Variants in LINGO2 observed in about 807,000 individuals in gnomAD.
LINGO2 encodes the protein leucine-rich repeat and immunoglobulin-like domain-containing nogo receptor-interacting protein 2.
In LINGO2, 14 loss-of-function variants were observed where a neutral mutation model predicts 30.6. That is an observed-to-expected ratio of 0.46 (90% CI 0.30 to 0.72). LINGO2 has a LOEUF of 0.72. LINGO2 is among the 30% of genes least tolerant of loss of function. The pLI, the probability that LINGO2 is intolerant of heterozygous loss-of-function variation, is 0.07. For synonymous variants in LINGO2, 317 were observed against 288.5 expected, an observed-to-expected ratio of 1.10 and a Z score of -1.00; for missense variants, 729 against 751.7, an observed-to-expected ratio of 0.97 and a Z score of 0.35.
At chr9:29,041,423 T>C in the LINGO2 span, among the ~76,000 whole-genome samples, 5 of 152,162 alleles carry the variant, frequency 3.3e-5, no homozygotes, top group South Asian at 2.1e-4. Context: ...CTCTATCCGA[T>C]AGTAAGGCCT....
chr9:28,714,005 A>C, the LINGO2 span, among the ~76,000 whole-genome samples: 4 of 151,900 alleles, frequency 2.6e-5, no homozygotes, highest in Non-Finnish European at 2.9e-5. Context: ...TAAAAATAGA[A>C]AAATTTAGCC....
At chr9:28,629,424 C>T (rs1826829906) in intron 1 of LINGO2, among the ~76,000 whole-genome samples, 1 of 151,926 alleles carries the variant, frequency 6.6e-6, no homozygotes, top group Non-Finnish European at 1.5e-5. Flanking sequence ...CTTGTTTCCC[C>T]CAAAAACTTA....
At chr9:28,701,516 A>G in the LINGO2 span, among the ~76,000 whole-genome samples, 20 of 152,094 alleles carry the variant, frequency 1.3e-4, 1 homozygote, top group African/African-American at 4.8e-4. Context: ...CGATCTGTCT[A>G]TTCTTGCTTC....
At chr9:28,683,039 C>T in the LINGO2 span, among the ~76,000 whole-genome samples, 1 of 151,980 alleles carries the variant, frequency 6.6e-6, no homozygotes, top group Non-Finnish European at 1.5e-5. Context: ...TCCCACTTTC[C>T]CTGTCCTGAG....
chr9:28,070,318 C>T (rs1825437430), intron 4 of LINGO2, among the ~76,000 whole-genome samples: 1 of 152,144 alleles, frequency 6.6e-6, no homozygotes, highest in Admixed American at 6.6e-5. Context: ...GGAAGCAAAT[C>T]AGGCTTCTCT....
chr9:28,847,969 ATG>A, the LINGO2 span, among the ~76,000 whole-genome samples: 1 of 99,524 alleles, frequency 1.0e-5, no homozygotes, highest in African/African-American at 3.6e-5. Context: ...ACACATATAT[ATG>A]TATATATGTG....
At chr9:29,194,767 C>T in the LINGO2 span, among the ~76,000 whole-genome samples, 1 of 152,074 alleles carries the variant, frequency 6.6e-6, no homozygotes, top group Non-Finnish European at 1.5e-5. Flanking sequence ...TTTGTGTTCC[C>T]TTTACCAAGA....
the LINGO2 span, among the ~76,000 whole-genome samples, chr9:28,882,001 C>G: frequency 1.3e-5 from 2 of 152,134 alleles, no homozygotes; most frequent in South Asian, 4.1e-4. Context: ...CATTAATCTA[C>G]CTGTACAGCA....
the LINGO2 span, among the ~76,000 whole-genome samples, chr9:28,684,715 C>T: frequency 6.6e-6 from 1 of 151,642 alleles, no homozygotes; most frequent in Non-Finnish European, 1.5e-5. Context: ...GACAGGGTTT[C>T]ACCATCTTGG....
intron 1 of LINGO2, among the ~76,000 whole-genome samples, chr9:28,655,187 G>C (rs1332191415): frequency 1.3e-5 from 2 of 151,962 alleles, no homozygotes; most frequent in East Asian, 3.9e-4. Flanking sequence ...TCTTCACTGG[G>C]AACTCATTCT....
At chr9:28,314,285 A>G (rs1370176955) in intron 3 of LINGO2, among the ~76,000 whole-genome samples, 1 of 152,198 alleles carries the variant, frequency 6.6e-6, no homozygotes, top group Non-Finnish European at 1.5e-5. Context: ...GTGGCATGAA[A>G]TACTACACTT....
intron 1 of LINGO2, among the ~76,000 whole-genome samples, chr9:28,524,808 T>G (rs1820955087): frequency 6.6e-6 from 1 of 152,040 alleles, no homozygotes; most frequent in Non-Finnish European, 1.5e-5. Context: ...ACTCTTACAA[T>G]TTAATACTAA....
intron 5 of LINGO2, among the ~76,000 whole-genome samples, chr9:27,993,239 A>C (rs2119049405): frequency 6.6e-6 from 1 of 152,256 alleles, no homozygotes; most frequent in African/African-American, 2.4e-5. Flanking sequence ...TTTCACATGC[A>C]TCCAAAGTTA....
At chr9:28,171,893 G>A (rs1828595753) in intron 4 of LINGO2, among the ~76,000 whole-genome samples, 2 of 150,316 alleles carry the variant, frequency 1.3e-5, no homozygotes, top group South Asian at 4.2e-4. Flanking sequence ...GTGGTGGCGG[G>A]CCCCTGTAGT....
the LINGO2 span, among the ~76,000 whole-genome samples, chr9:28,725,436 G>C: frequency 2.0e-5 from 3 of 151,536 alleles, no homozygotes; most frequent in East Asian, 5.8e-4. Flanking sequence ...CAATATAAAG[G>C]CAATGAATGA....
the LINGO2 span, among the ~76,000 whole-genome samples, chr9:28,684,324 A>T: frequency 1.3e-5 from 2 of 149,438 alleles, no homozygotes; most frequent in African/African-American, 4.9e-5. Flanking sequence ...AGTAGCTGGG[A>T]CTACAGGCGC....
chr9:28,702,499 T>C, the LINGO2 span, among the ~76,000 whole-genome samples: 1 of 151,870 alleles, frequency 6.6e-6, no homozygotes, highest in Non-Finnish European at 1.5e-5. Flanking sequence ...TTGGTTCTGT[T>C]GTATAATTCT....
At chr9:28,831,377 G>T in the LINGO2 span, among the ~76,000 whole-genome samples, 1 of 152,136 alleles carries the variant, frequency 6.6e-6, no homozygotes, top group East Asian at 1.9e-4. Flanking sequence ...CCATATGGTA[G>T]TAAACACACC....
intron 5 of LINGO2, among the ~76,000 whole-genome samples, chr9:27,992,858 G>C (rs1197888349): frequency 6.6e-6 from 1 of 152,006 alleles, no homozygotes; most frequent in East Asian, 1.9e-4. Context: ...CAAACTAATA[G>C]GAGACACAAA....
Sources: allele counts gnomAD v4.1 joint callset (sites outside exome capture counted in the v4.1 genomes callset), GRCh38; gene constraint gnomAD v4.1.1; transcripts MANE v1.5; gene names NCBI Gene and HGNC (gene_info 2026-07-23, HGNC 2026-07-21).